ENO3: variants seen among roughly 807,000 people sequenced by gnomAD.
ENO3 encodes the protein beta-enolase.
A neutral mutation model predicts 47.7 loss-of-function variants in ENO3; 46 were observed. The observed-to-expected ratio is 0.96, with a 90% confidence interval of 0.76 to 1.23. The LOEUF (loss-of-function observed/expected upper bound fraction) is 1.23, where lower values mean the gene tolerates loss of function less well. Among genes scored for constraint, ENO3 ranks in the 50% most tolerant of loss-of-function variants. The pLI is 0.00. For synonymous variants in ENO3, 223 were observed against 225.9 expected (o/e 0.99, Z 0.11); for missense variants, 575 against 566.2 (o/e 1.02, Z -0.16).
At chr17:4,951,952 A>T (rs375322310) in intron 2 of ENO3, 38 bp downstream of exon 2, 29 of 1,609,064 alleles carry the variant, frequency 1.8e-5, no homozygotes, top group Non-Finnish European at 2.3e-5. Context: ...GCCTCCGAAG[A>T]CCCCAACCCT....
At chr17:4,954,138 AT>A in intron 6 of ENO3, 2 of 491,238 alleles carry the variant, frequency 4.1e-6, no homozygotes, top group Non-Finnish European at 7.4e-6. Flanking sequence ...CCCAAATCAT[AT>A]TGAGAGTTTC....
chr17:4,950,433 G>A (rs1367954508), upstream of ENO3: 1 of 407,456 alleles, frequency 2.5e-6, no homozygotes, highest in Non-Finnish European at 3.3e-6. Context: ...GCCCACAGTC[G>A]ATGGGGAAAG....
intron 1 of ENO3, 125 bp from the exon 2 acceptor site, chr17:4,951,703 T>G: frequency 2.8e-6 from 3 of 1,060,894 alleles, no homozygotes; most frequent in Non-Finnish European, 4.4e-6. Context: ...CTGTGACCTT[T>G]TTGTAGGGTA....
chr17:4,955,865 TC>T, intron 8 of ENO3, 76 bp from the exon 9 acceptor site: 1 of 293,590 alleles, frequency 3.4e-6, no homozygotes, highest in Non-Finnish European at 5.7e-6. Flanking sequence ...CTCTGCCCTG[TC>T]TCTGCTCTGT....
upstream of ENO3, chr17:4,948,984 C>T (rs984580954): frequency 1.3e-5 from 2 of 151,914 alleles, no homozygotes; most frequent in African/African-American, 4.8e-5. Context: ...GGCGCGTGTG[C>T]CCGCGCCTGC....
chr17:4,952,160 C>G (rs1040771467), intron 2 of ENO3: 1 of 602,998 alleles, frequency 1.7e-6, no homozygotes, highest in African/African-American at 1.9e-5. Context: ...AGAGAGACTC[C>G]CTGTGAGGTC....
chr17:4,950,487 C>A, upstream of ENO3: 1 of 887,660 alleles, frequency 1.1e-6, no homozygotes, highest in Non-Finnish European at 1.4e-6. Flanking sequence ...AAGTGCTGTC[C>A]CAGCGTTATC....
intron 1 of ENO3, 167 bp downstream of exon 1, chr17:4,951,349 G>T (rs939226003): frequency 3.3e-6 from 3 of 922,150 alleles, no homozygotes; most frequent in South Asian, 7.0e-5. Flanking sequence ...CAAACTCTGG[G>T]AACACCGAAG....
chr17:4,950,738 T>A, upstream of ENO3: 1 of 929,068 alleles, frequency 1.1e-6, no homozygotes, highest in Non-Finnish European at 1.3e-6. Context: ...TTGCAGCCCC[T>A]CTTCCAGGCC....
chr17:4,951,933 G>C lies in ENO3; in HGVS notation c.85+19G>C. The C allele has an allele frequency of 1.2e-6, 2 of 1,613,884 alleles. No individual in the cohort carries two copies. The highest frequency in any genetic ancestry group is 1.7e-6 in the Non-Finnish European group (2 of 1,179,804). On this transcript the variant is annotated intron_variant, in intron 2 of 11. Coordinates refer to ENST00000519602, the MANE Select transcript of ENO3 (RefSeq NM_053013.4). ...GCCAAGGGTAACACAAGGCCCATTG[G>C]ATAGGCTCGCCTCCGAAGACCCCAA...
At chr17:4,951,767 G>A (rs1971546488) in intron 1 of ENO3, 61 bp from the exon 2 acceptor site, 3 of 1,560,446 alleles carry the variant, frequency 1.9e-6, no homozygotes, top group South Asian at 2.2e-5. Context: ...TAAAGGGCAA[G>A]GGATTTCTGG....
intron 6 of ENO3, 63 bp from the exon 7 acceptor site, chr17:4,955,012 C>T (rs1971672883): frequency 2.0e-6 from 3 of 1,517,412 alleles, no homozygotes; most frequent in Non-Finnish European, 2.7e-6. Context: ...ACACCCCCCG[C>T]CCCTGTCCCT....
intron 2 of ENO3, among the ~76,000 whole-genome samples, 179 bp from the exon 3 acceptor site, chr17:4,952,615 GC>G (rs1971575671): frequency 1.3e-5 from 2 of 152,164 alleles, no homozygotes; most frequent in Non-Finnish European, 2.9e-5. Flanking sequence ...GAGCCACCGC[GC>G]CCGGCCTCAG....
chr17:4,952,400 G>A, intron 2 of ENO3: 2 of 332,956 alleles, frequency 6.0e-6, no homozygotes, highest in Non-Finnish European at 1.2e-5. Context: ...CTGGAGTGCA[G>A]TGGCGCGATC....
chr17:4,951,851 G>C lies in ENO3; in HGVS notation c.22G>C (p.Ala8Pro), dbSNP rs377482714. 8 of 1,613,920 alleles carry C rather than the reference G, an allele frequency of 5.0e-6. No individual in the cohort carries two copies. Among genetic ancestry groups the C allele is most frequent in the Non-Finnish European group, 6.8e-6 (8 of 1,179,976 alleles). MAMQKIF[A>P]REILDSRGNP... ...AGCCATGGCCATGCAGAAAATCTTTGCCCGGGAAATCTTGGACTCCAGGGG... is the reference window on the plus strand; with the variant it reads ...AGCCATGGCCATGCAGAAAATCTTTCCCCGGGAAATCTTGGACTCCAGGGG... The change falls in exon 2 of 12, where the codon GCC becomes CCC. Residue 8 changes from alanine (A) to proline (P), a missense_variant. Physicochemically the swap from Ala to Pro is conservative, Grantham distance 27. Coordinates refer to ENST00000519602, the MANE Select transcript of ENO3 (RefSeq NM_053013.4).
At chr17:4,954,957 CT>C (rs1446458463) in intron 6 of ENO3, 117 bp from the exon 7 acceptor site, 2 of 822,348 alleles carry the variant, frequency 2.4e-6, no homozygotes, top group Non-Finnish European at 3.9e-6. Context: ...ACTACTCATC[CT>C]AGACCACTGA....
At chr17:4,954,188 G>A (rs535095243) in intron 6 of ENO3, 5 of 395,668 alleles carry the variant, frequency 1.3e-5, no homozygotes, top group Non-Finnish European at 2.4e-5. Context: ...GTATCTTCTT[G>A]AGTCCTTCTT....
chr17:4,954,597 G>A (rs1971657587), intron 6 of ENO3, among the ~76,000 whole-genome samples: 2 of 152,228 alleles, frequency 1.3e-5, no homozygotes, highest in South Asian at 4.1e-4. Flanking sequence ...CAGGGAAGTA[G>A]GTGCTATCCC....
upstream of ENO3, chr17:4,950,574 C>A: frequency 1.0e-6 from 1 of 985,492 alleles, no homozygotes; most frequent in Non-Finnish European, 1.2e-6. Context: ...CGCTGGCTGG[C>A]CTGGAGAGGG....
Sources: allele counts gnomAD v4.1 joint callset (sites outside exome capture counted in the v4.1 genomes callset), GRCh38; gene constraint gnomAD v4.1.1; transcripts MANE v1.5; gene names NCBI Gene and HGNC (gene_info 2026-07-23, HGNC 2026-07-21).